Variants in CNTN1 observed in about 807,000 individuals in gnomAD.
The protein encoded by CNTN1 is contactin 1.
A neutral mutation model predicts 126.4 loss-of-function variants in CNTN1; 38 were observed. That is an observed-to-expected ratio of 0.30 (90% confidence interval 0.23 to 0.39). The LOEUF (loss-of-function observed/expected upper bound fraction) is 0.39. Among genes scored for constraint, CNTN1 ranks in the 10% least tolerant of loss-of-function variants. The pLI is 1.00. For missense variants in CNTN1, 1,009 were observed against 1,248.4 expected, an observed-to-expected ratio of 0.81 and a Z score of 2.89; for synonymous variants, 413 against 422.6, an observed-to-expected ratio of 0.98 and a Z score of 0.28.
At position 41,029,833 on chromosome 12, in the gene CNTN1, T is replaced by C. The variant is rs561004636; in HGVS notation, c.2980+614T>C. ...CTTTTCTCTTTCTCTATCTTATCTA[T>C]TCCTTTTCTACAAACTCTATTTCTC... On this transcript the variant is annotated intron_variant, in intron 23 of 23. Transcript: ENST00000551295. Among the ~76,000 whole-genome samples, 31 of 152,224 alleles carry C rather than the reference T, an allele frequency of 2.0e-4. No individual in the cohort carries two copies. In the South Asian group the frequency reaches 4.3e-3, roughly 21 times the overall value.
intron 1 of CNTN1, among the ~76,000 whole-genome samples, chr12:40,755,092 G>C (rs1938546451): frequency 6.6e-6 from 1 of 150,690 alleles, no homozygotes; most frequent in South Asian, 2.1e-4. Context: ...TTGAGAGGCT[G>C]AGGTGGGAGG....
At chr12:40,694,671 T>C (rs1217403999) in intron 1 of CNTN1, among the ~76,000 whole-genome samples, 1 of 152,234 alleles carries the variant, frequency 6.6e-6, no homozygotes, top group African/African-American at 2.4e-5. Context: ...AACAAAATTC[T>C]AACTTGCCAA....
intron 1 of CNTN1, among the ~76,000 whole-genome samples, chr12:40,857,271 C>T (rs748821430): frequency 2.6e-5 from 4 of 152,076 alleles, no homozygotes; most frequent in Non-Finnish European, 5.9e-5. Context: ...AATTGTATGA[C>T]TATGAGTATT....
At chr12:41,037,970 C>A (rs1055323952) in intron 23 of CNTN1, among the ~76,000 whole-genome samples, 25 of 152,154 alleles carry the variant, frequency 1.6e-4, no homozygotes, top group Admixed American at 5.9e-4. Flanking sequence ...CAAGCCTGAC[C>A]AAAGTGGTGA....
At chr12:40,870,131 C>T (rs1443662466) in intron 1 of CNTN1, among the ~76,000 whole-genome samples, 2 of 151,990 alleles carry the variant, frequency 1.3e-5, no homozygotes, top group Non-Finnish European at 2.9e-5. Flanking sequence ...GATTGTGAGG[C>T]CTCTCAGCCA....
chr12:40,954,148 A>G (rs1946783149), intron 14 of CNTN1, among the ~76,000 whole-genome samples: 1 of 152,224 alleles, frequency 6.6e-6, no homozygotes, highest in East Asian at 1.9e-4. Flanking sequence ...TTTAATGAAT[A>G]AATACCAAAA....
chr12:40,719,496 A>T (rs1942137365), intron 1 of CNTN1, among the ~76,000 whole-genome samples: 1 of 152,238 alleles, frequency 6.6e-6, no homozygotes. Flanking sequence ...AGAGTTACTA[A>T]ATGTCACAAC....
intron 3 of CNTN1, among the ~76,000 whole-genome samples, chr12:40,913,651 T>G (rs1173452984): frequency 6.6e-6 from 1 of 152,186 alleles, no homozygotes. Flanking sequence ...TAATTTTACT[T>G]TCAATTCCTG....
chr12:40,990,147 A>G (rs1948065242), intron 16 of CNTN1, among the ~76,000 whole-genome samples: 1 of 152,212 alleles, frequency 6.6e-6, no homozygotes. Context: ...CTATCTACCA[A>G]AACATGTTTG....
At chr12:40,892,685 G>A (rs1357057342) in intron 1 of CNTN1, among the ~76,000 whole-genome samples, 3 of 152,030 alleles carry the variant, frequency 2.0e-5, no homozygotes, top group Non-Finnish European at 2.9e-5. Flanking sequence ...CACAGCTTCC[G>A]GAAGGGAAGT....
intron 1 of CNTN1, among the ~76,000 whole-genome samples, chr12:40,883,066 T>C (rs887588647): frequency 6.6e-6 from 1 of 151,576 alleles, no homozygotes; most frequent in African/African-American, 2.4e-5. Context: ...AATTAGGCCA[T>C]GTGTTACAAT....
At chr12:40,780,809 A>G (rs1939766046) in intron 1 of CNTN1, among the ~76,000 whole-genome samples, 1 of 149,334 alleles carries the variant, frequency 6.7e-6, no homozygotes, top group African/African-American at 2.5e-5. Flanking sequence ...TTTTTTTCAG[A>G]GGTTCAGGGT....
At chr12:41,009,519 C>A (rs1948593605) in intron 17 of CNTN1, among the ~76,000 whole-genome samples, 1 of 152,174 alleles carries the variant, frequency 6.6e-6, no homozygotes, top group East Asian at 1.9e-4. Context: ...CTCCCAAGGT[C>A]ATTTCCTTCC....
In CNTN1 at chr12:41,014,292, A is replaced by G. The variant is rs1291165164; in HGVS notation, c.2178A>G (p.Thr726=). 1.9e-6 allele frequency: 3 copies of G among 1,613,978 alleles called. No individual in the cohort carries two copies. The highest frequency in any genetic ancestry group is 2.5e-6 in the Non-Finnish European group (3 of 1,179,846). The change falls in exon 18 of 24, where the codon ACA becomes ACG. Residue 726 remains threonine (T), a synonymous_variant. Coordinates refer to ENST00000551295, the MANE Select transcript of CNTN1 (RefSeq NM_001843.4). ...GGGRNRELTI[T]WAPLSREYHY... ...GAAGAAACAGAGAGCTGACCATAAC[A>G]TGGGCGGTAAGTATTGATGAGTTGC...
At chr12:41,059,203 C>T (rs907237001) in intron 23 of CNTN1, among the ~76,000 whole-genome samples, 8 of 152,092 alleles carry the variant, frequency 5.3e-5, no homozygotes, top group Non-Finnish European at 8.8e-5. Context: ...TACCAAATAC[C>T]GATCTTAATA....
intron 16 of CNTN1, among the ~76,000 whole-genome samples, chr12:40,982,950 G>C (rs1477423083): frequency 7.5e-6 from 1 of 132,904 alleles, no homozygotes; most frequent in Non-Finnish European, 1.6e-5. Context: ...CTTGGGGTGG[G>C]GGGAGGGGGG....
intron 1 of CNTN1, among the ~76,000 whole-genome samples, chr12:40,757,231 G>A (rs1938647155): frequency 1.3e-5 from 2 of 151,986 alleles, no homozygotes; most frequent in African/African-American, 4.8e-5. Flanking sequence ...TTTTCCAAAG[G>A]CCCCACCTCC....
chr12:41,009,993 G>A (rs1948604533), intron 17 of CNTN1, among the ~76,000 whole-genome samples: 1 of 152,136 alleles, frequency 6.6e-6, no homozygotes, highest in Non-Finnish European at 1.5e-5. Flanking sequence ...TCAATAATAG[G>A]TTTCCCCATC....
intron 1 of CNTN1, among the ~76,000 whole-genome samples, chr12:40,839,663 C>T (rs907182453): frequency 2.6e-5 from 4 of 152,098 alleles, no homozygotes; most frequent in African/African-American, 9.7e-5. Flanking sequence ...ATGCTATATC[C>T]AGCAAAATTA....
Sources: allele counts gnomAD v4.1 joint callset (sites outside exome capture counted in the v4.1 genomes callset), GRCh38; gene constraint gnomAD v4.1.1; transcripts MANE v1.5; gene names NCBI Gene and HGNC (gene_info 2026-07-23, HGNC 2026-07-21).